The following LRP2 variants were observed in gnomAD, a reference collection of about 807,000 sequenced individuals.
LRP2 encodes LDL receptor related protein 2, also known as low-density lipoprotein receptor-related protein 2.
A neutral mutation model predicts 531.0 loss-of-function variants in LRP2; 172 were observed. That is an observed-to-expected ratio of 0.32 (90% CI 0.29 to 0.37). LRP2 has a LOEUF of 0.37. Ranked by LOEUF, LRP2 falls within the 10% of genes least tolerant of loss-of-function variation. The pLI, the probability that LRP2 is intolerant of heterozygous loss-of-function variation, is 1.00. For synonymous variants in LRP2, 1,992 were observed against 2,027.6 expected, an observed-to-expected ratio of 0.98 and a Z score of 0.47; for missense variants, 5,167 against 5,868.3, an observed-to-expected ratio of 0.88 and a Z score of 3.90.
At position 169,169,760 on chromosome 2, in the gene LRP2, A is replaced by C. The variant is rs1686925983; in HGVS notation, c.11439T>G (p.Ser3813Arg). The change falls in exon 60 of 79, where the codon AGT becomes AGG. Residue 3813 changes from serine to arginine, a missense_variant. Ser to Arg is a moderately radical substitution (Grantham distance 110). Transcript: ENST00000649046. ...FQCTSGHCVH[S>R]ELKCDGSADC... The stretch of plus-strand genomic sequence containing the variant: ...CAGCGGATCCATCGCATTTCAGTTC[A>C]CTGTGTACACAATGTCCACTTGTAC... The C allele has an allele frequency of 6.2e-7, 1 of 1,614,188 alleles. No homozygotes were observed. Among genetic ancestry groups the C allele is most frequent in the African/African-American group, 1.3e-5 (1 of 75,064 alleles).
rs779834141 is a variant in LRP2 at position 169,182,265 on chromosome 2, A to G, written c.9900T>C (p.Asn3300=). The change falls in exon 51 of 79, where the codon AAT becomes AAC. Residue 3300 remains asparagine, a synonymous_variant. Coordinates refer to ENST00000649046, the MANE Select transcript of LRP2 (RefSeq NM_004525.3). ...RLDGLFVSDL[N]GGHRRMLAQH... ...GGGCCAGCATGCGGCGGTGTCCACC[A>G]TTGAGGTCAGAGACAAAGAGGCCAT... is the stretch of plus-strand genomic sequence containing the variant. The G allele has an allele frequency of 4.3e-6, 7 of 1,614,014 alleles. No homozygotes were observed. In the African/African-American group the frequency reaches 6.7e-5, roughly 15 times the overall value.
chr2:169,209,770 C>A (rs1688528757), intron 37 of LRP2, 129 bp from the exon 38 acceptor site: 1 of 907,276 alleles, frequency 1.1e-6, no homozygotes, highest in Non-Finnish European at 1.7e-6. Flanking sequence ...AAAATGAAAC[C>A]CTTTTTTCCC....
At chr2:169,238,024 G>T in intron 27 of LRP2, 67 bp downstream of exon 27, 1 of 1,382,384 alleles carries the variant, frequency 7.2e-7, no homozygotes, top group Non-Finnish European at 1.0e-6. Context: ...TCTCACTGGT[G>T]AATAACAGCA....
At chr2:169,229,133 T>C (rs956508336) in intron 31 of LRP2, among the ~76,000 whole-genome samples, 1 of 152,132 alleles carries the variant, frequency 6.6e-6, no homozygotes, top group Non-Finnish European at 1.5e-5. Flanking sequence ...CCCTTACAAT[T>C]ATGACAATGG....
intron 31 of LRP2, among the ~76,000 whole-genome samples, chr2:169,229,760 T>C (rs1574156726): frequency 6.6e-6 from 1 of 152,258 alleles, no homozygotes; most frequent in East Asian, 1.9e-4. Context: ...GTGTGTTTTT[T>C]AATGCATGTT....
intron 37 of LRP2, among the ~76,000 whole-genome samples, chr2:169,210,083 T>C (rs1309859451): frequency 5.3e-5 from 8 of 152,084 alleles, no homozygotes; most frequent in Admixed American, 5.2e-4. Context: ...ATTTAAAAAG[T>C]AAACCGGGGA....
At chr2:169,348,453 T>C (rs1481241460) in intron 1 of LRP2, among the ~76,000 whole-genome samples, 2 of 152,198 alleles carry the variant, frequency 1.3e-5, no homozygotes, top group Non-Finnish European at 2.9e-5. Flanking sequence ...TGACATGTGA[T>C]GTTCTTTCCA....
At chr2:169,246,412 G>C (rs528809107) in intron 21 of LRP2, among the ~76,000 whole-genome samples, 1 of 151,992 alleles carries the variant, frequency 6.6e-6, no homozygotes, top group East Asian at 1.9e-4. Context: ...AGTTTATTTC[G>C]ATTTGACTTT....
intron 46 of LRP2, among the ~76,000 whole-genome samples, chr2:169,195,770 T>G (rs1339372314): frequency 1.3e-5 from 2 of 152,308 alleles, no homozygotes; most frequent in East Asian, 3.9e-4. Context: ...GCCCTTTGCT[T>G]TCTATAAAAC....
Position 169,235,853 on chromosome 2 carries a change from A to G in LRP2, c.4907T>C (p.Ile1636Thr). ...DYNGHHRRQV[I>T]ASDLIIRHPY... ...CCACCAACTTACCAAATCACTGGCT[A>G]TCACCTGTCTCCGATGGTGTCCATT... Residue 1636 changes from isoleucine (I) to threonine (T), a missense_variant, in exon 29 of 79, where the codon ATA becomes ACA. Physicochemically the swap from Ile to Thr is moderately conservative, Grantham distance 89 (BLOSUM62 -1). Coordinates refer to ENST00000649046, the MANE Select transcript of LRP2 (RefSeq NM_004525.3). 1 of 1,613,984 alleles carries G rather than the reference A, an allele frequency of 6.2e-7. No individual in the cohort carries two copies. Among genetic ancestry groups the G allele is most frequent in the Non-Finnish European group, 8.5e-7 (1 of 1,179,836 alleles).
chr2:169,240,454 A>T (rs1227697527), intron 25 of LRP2, among the ~76,000 whole-genome samples: 1 of 152,224 alleles, frequency 6.6e-6, no homozygotes, highest in African/African-American at 2.4e-5. Flanking sequence ...TTTTCAGAAC[A>T]AACACAACAC....
In LRP2 at chr2:169,137,532, A is replaced by G. The variant is rs374355228; in HGVS notation, c.13519-39T>C. ...CAGAAAGAGAGAGAGAGAGAGAGAG[A>G]GAAACAGAGAGAGAGATTACACCAT... On this transcript the variant is annotated intron_variant, in intron 75 of 78. Transcript: ENST00000649046. The G allele has an allele frequency of 2.3e-6, 3 of 1,283,022 alleles. No homozygotes were observed. The African/African-American group carries it at 4.4e-5, about 19-fold the overall frequency. 79.5% of individuals were successfully genotyped at this position (1,283,022 alleles called of 1,614,324 possible).
chr2:169,202,805 A>G lies in LRP2; in HGVS notation c.8160T>C (p.Asp2720=), dbSNP rs1688245956. ...TGCCATCCCCACAGTCGTTGTCATT[A>G]TCACACTTCCACTCTTCCGAGATGC... ...GRCISEEWKC[D]NDNDCGDGSD... is the part of the protein sequence containing the mutation. Residue 2720 remains aspartate, a synonymous_variant, in exon 43 of 79, where the codon GAT becomes GAC. Coordinates refer to ENST00000649046, the MANE Select transcript of LRP2 (RefSeq NM_004525.3). 2 of 1,614,084 alleles carry G rather than the reference A, an allele frequency of 1.2e-6. No homozygotes were observed. The highest frequency in any genetic ancestry group is 1.7e-6 in the Non-Finnish European group (2 of 1,180,030).
At chr2:169,219,822 T>TA (rs3216575) in intron 34 of LRP2, among the ~76,000 whole-genome samples, 33,491 of 151,838 alleles carry the variant, frequency 0.22, 3,915 homozygotes, top group East Asian at 0.41. Flanking sequence ...TGAAATTTTT[T>TA]AAAAAAAATC....
intron 14 of LRP2, among the ~76,000 whole-genome samples, chr2:169,274,044 G>A (rs563661274): frequency 6.6e-5 from 10 of 152,264 alleles, no homozygotes; most frequent in Admixed American, 2.6e-4. Context: ...TCTAGTGGTT[G>A]GGCTTTTGTT....
rs375380592 is a variant in LRP2, at chr2:169,270,910, C to T, written c.2314G>A (p.Gly772Ser). The change falls in exon 16 of 79, where the codon GGC becomes AGC. Residue 772 changes from glycine to serine, a missense_variant. Coordinates refer to ENST00000649046, the MANE Select transcript of LRP2 (RefSeq NM_004525.3). ...KHMIFKQKID[G>S]TGREILAANR... ...ACACACAAACCTTTCTCACCTGTGC[C>T]ATCAATCTTTTGCTTAAAAATCATG... The T allele has an allele frequency of 6.2e-7, 1 of 1,612,350 alleles. No homozygotes were observed. Among genetic ancestry groups the T allele is most frequent in the African/African-American group, 1.3e-5 (1 of 74,726 alleles).
Position 169,277,757 on chromosome 2 carries a change from T to C in LRP2, c.1760A>G (p.Asp587Gly), listed in dbSNP as rs1361598544. 2.5e-6 allele frequency: 4 copies of C among 1,613,916 alleles called. No homozygotes were observed. Among genetic ancestry groups the C allele is most frequent in the Non-Finnish European group, 2.5e-6 (3 of 1,179,928 alleles). ...AAATACTTCTTACCTTTGAATTCCA[T>C]CATAAGTTACAGTTTCAATGTAATC... The part of the protein sequence containing the change: ...RFDYIETVTY[D>G]GIQRKTVVHG... The change falls in exon 13 of 79, where the codon GAT becomes GGT. Residue 587 changes from aspartate to glycine, a missense_variant. By Grantham distance (94) the Asp-to-Gly change is moderately conservative. Coordinates refer to ENST00000649046, the MANE Select transcript of LRP2 (RefSeq NM_004525.3).
chr2:169,255,899 T>G (rs1322411128), intron 19 of LRP2, among the ~76,000 whole-genome samples: 1 of 152,112 alleles, frequency 6.6e-6, no homozygotes, highest in Non-Finnish European at 1.5e-5. Context: ...TATACGAATA[T>G]ATACAAAACA....
intron 70 of LRP2, 28 bp from the exon 71 acceptor site, chr2:169,142,821 G>C (rs778734338): frequency 1.2e-6 from 2 of 1,612,950 alleles, no homozygotes; most frequent in South Asian, 1.1e-5. Flanking sequence ...ACAGCAGTTA[G>C]GTCCTGACAG....
Sources: allele counts gnomAD v4.1 joint callset (sites outside exome capture counted in the v4.1 genomes callset), GRCh38; gene constraint gnomAD v4.1.1; transcripts MANE v1.5; gene names NCBI Gene and HGNC (gene_info 2026-07-23, HGNC 2026-07-21).